PSMD11: variants seen among roughly 807,000 people sequenced by gnomAD.
PSMD11 encodes 26S proteasome non-ATPase regulatory subunit 11.
PSMD11 carries 5 observed loss-of-function variants against 62.3 expected under a neutral mutation model. That is an observed-to-expected ratio of 0.08 (90% CI 0.04 to 0.17). The LOEUF (loss-of-function observed/expected upper bound fraction) is 0.17, where lower values mean the gene tolerates loss of function less well. Among genes scored for constraint, PSMD11 ranks in the 10% least tolerant of loss-of-function variants. The probability of loss-of-function intolerance (pLI) is 1.00; values close to 1 mark genes in which losing one functional copy is unlikely to be tolerated. For missense variants in PSMD11, 310 were observed against 512.9 expected (o/e 0.60, Z 3.82); for synonymous variants, 191 against 191.8 (o/e 1.00, Z 0.03).
At chr17:32,446,328 A>G (rs1265852812) in intron 1 of PSMD11, among the ~76,000 whole-genome samples, 1 of 152,218 alleles carries the variant, frequency 6.6e-6, no homozygotes, top group Non-Finnish European at 1.5e-5. Context: ...AAGTTATTTT[A>G]ACAGACCTCA....
Position 32,477,510 on chromosome 17 carries a change from T to C in PSMD11, c.850-11T>C. 1 of 1,599,262 alleles carries C rather than the reference T, an allele frequency of 6.3e-7. No homozygotes were observed. The highest frequency in any genetic ancestry group is 8.5e-7 in the Non-Finnish European group (1 of 1,172,692). On this transcript the variant is annotated splice_polypyrimidine_tract_variant and intron_variant, in intron 8 of 13. Coordinates refer to ENST00000261712, the MANE Select transcript of PSMD11 (RefSeq NM_002815.4). ...ATAAATCGCTTTCATGGTTTGTCTC[T>C]TTATTCTCAGACAGAAGCATTAAAA...
At chr17:32,463,435 G>A (rs1167065889) in intron 3 of PSMD11, 1 of 152,156 alleles carries the variant, frequency 6.6e-6, no homozygotes, top group African/African-American at 2.4e-5. Flanking sequence ...AGCTCAATCT[G>A]TAACTGACTG....
Position 32,480,962 on chromosome 17 carries a change from TA to T in PSMD11, c.*219del, listed in dbSNP as rs889158553. ...CCAACTTGGGAGTGGGGAAATTGCT[TA>T]AAAAAAAAGAAAAAGAAAAAAAAAA... On this transcript the variant is annotated 3_prime_UTR_variant, in exon 14 of 14. Transcript: ENST00000261712. The T allele has an allele frequency of 1.9e-4, 37 of 198,804 alleles. No homozygotes were observed. Among genetic ancestry groups the T allele is most frequent in the Non-Finnish European group, 2.5e-4 (25 of 101,522 alleles). The allele number at this position is 198,804 out of a possible 1,614,324, so 12.3% of individuals were successfully genotyped here.
intron 11 of PSMD11, 73 bp from the exon 12 acceptor site, chr17:32,480,073 A>T (rs756464372): frequency 1.3e-6 from 2 of 1,560,382 alleles, no homozygotes; most frequent in Non-Finnish European, 1.8e-6. Flanking sequence ...AGACCCCTCC[A>T]ACAAAGCTAC....
Position 32,452,164 on chromosome 17 carries a change from T to A in PSMD11, c.194-2331T>A, listed in dbSNP as rs1481242463. 2.0e-5 allele frequency among the ~76,000 whole-genome samples: 3 copies of A among 152,184 alleles called. No individual in the cohort carries two copies. The East Asian group carries it at 5.8e-4, about 29-fold the overall frequency. On this transcript the variant is annotated intron_variant, in intron 2 of 13. Coordinates refer to ENST00000261712, the MANE Select transcript of PSMD11 (RefSeq NM_002815.4). The stretch of plus-strand genomic sequence containing the variant: ...CCACATTGTGTGTGACTGGCTGAGT[T>A]CAGGACCTGCTACTAAGACCATATA...
chr17:32,473,338 G>A lies in PSMD11; in HGVS notation c.644-463G>A, dbSNP rs575538403. Among the ~76,000 whole-genome samples the A allele has an allele frequency of 4.7e-5, 7 of 149,404 alleles. No homozygotes were observed. The South Asian group carries it at 1.4e-3, about 29-fold the overall frequency. On this transcript the variant is annotated intron_variant, in intron 6 of 13. Transcript: ENST00000261712. ...GTTGCCCAGGCTGGAGTGCAGTGGC[G>A]CAATCTCGGCTCACCGCAACCTCCG...
chr17:32,474,807 C>G lies in PSMD11; in HGVS notation c.832C>G (p.Arg278Gly). Residue 278 changes from arginine (R) to glycine (G), a missense_variant, in exon 8 of 14, where the codon CGG becomes GGG. Physicochemically the swap from Arg to Gly is moderately radical, Grantham distance 125. Transcript: ENST00000261712. ...TTTGGTGAGCGGGAAGCTTGCACTT[C>G]GGTATGCAGGGAGGCAGGTAGGGAC... ...QALVSGKLAL[R>G]YAGRQTEALK... is the part of the protein sequence containing the mutation. 2 of 1,614,012 alleles carry G rather than the reference C, an allele frequency of 1.2e-6. No individual in the cohort carries two copies. Among genetic ancestry groups the G allele is most frequent in the Non-Finnish European group, 1.7e-6 (2 of 1,179,956 alleles).
chr17:32,471,062 C>T (rs1908149801), intron 6 of PSMD11, among the ~76,000 whole-genome samples: 1 of 152,142 alleles, frequency 6.6e-6, no homozygotes, highest in Non-Finnish European at 1.5e-5. Flanking sequence ...TAAATACTTT[C>T]TACATGTATC....
chr17:32,468,536 G>C (rs1908062689), intron 5 of PSMD11, among the ~76,000 whole-genome samples: 1 of 152,164 alleles, frequency 6.6e-6, no homozygotes, highest in African/African-American at 2.4e-5. Context: ...TGATATTCTA[G>C]TTTGAGATGG....
chr17:32,480,619 G>A lies in PSMD11; in HGVS notation c.1257G>A (p.Lys419=), dbSNP rs770893504. ...KVVDSLYNKA[K]KLT is the part of the protein sequence containing the mutation. ...TGGATTCCCTCTACAACAAAGCCAA[G>A]AAACTGACATAGGTGAGTGCTGGCT... Residue 419 remains lysine, a synonymous_variant, in exon 13 of 14, where the codon AAG becomes AAA. Transcript: ENST00000261712. The A allele has an allele frequency of 2.1e-5, 34 of 1,614,066 alleles. No homozygotes were observed. The highest frequency in any genetic ancestry group is 3.4e-6 in the Non-Finnish European group (4 of 1,180,036).
At chr17:32,467,665 A>G (rs1409554041) in intron 5 of PSMD11, among the ~76,000 whole-genome samples, 1 of 152,150 alleles carries the variant, frequency 6.6e-6, no homozygotes, top group Non-Finnish European at 1.5e-5. Flanking sequence ...TGGATGGAGT[A>G]CAGTGGTGCA....
intron 5 of PSMD11, among the ~76,000 whole-genome samples, chr17:32,468,653 C>T (rs1908067766): frequency 6.6e-6 from 1 of 152,134 alleles, no homozygotes; most frequent in Admixed American, 6.6e-5. Context: ...CTTGTGATTG[C>T]TAGACAAGAA....
intron 1 of PSMD11, chr17:32,444,841 TCA>T (rs1567850014): frequency 1.8e-6 from 1 of 571,320 alleles, no homozygotes; most frequent in Non-Finnish European, 3.0e-6. Context: ...GGCTGCTGAC[TCA>T]CGGGGGGCTC....
intron 2 of PSMD11, among the ~76,000 whole-genome samples, chr17:32,448,004 C>T (rs1232603540): frequency 1.3e-5 from 2 of 151,782 alleles, no homozygotes; most frequent in East Asian, 1.9e-4. Context: ...CCTCAGCCTC[C>T]GGAATAGCTG....
chr17:32,444,699 G>T, intron 1 of PSMD11, 85 bp downstream of exon 1: 1 of 1,539,664 alleles, frequency 6.5e-7, no homozygotes, highest in Non-Finnish European at 8.9e-7. Flanking sequence ...GGCCCGGCTA[G>T]CCGGCTCTGA....
rs1342246062 is a variant in PSMD11 at position 32,481,056 on chromosome 17, G to C, written c.*304G>C. 1 of 154,858 alleles carries C rather than the reference G, an allele frequency of 6.5e-6. No individual in the cohort carries two copies. Among genetic ancestry groups the C allele is most frequent in the African/African-American group, 2.4e-5 (1 of 41,448 alleles). 9.6% of individuals were successfully genotyped at this position (154,858 alleles called of 1,614,324 possible). On this transcript the variant is annotated 3_prime_UTR_variant, in exon 14 of 14. Coordinates refer to ENST00000261712, the MANE Select transcript of PSMD11 (RefSeq NM_002815.4). ...GCTGTGCTCTCTGCCTCCTGGGAGA[G>C]GGCCGCAAAGCCAGGCACCCCGCCA...
At chr17:32,465,354 C>T (rs934497549) in intron 5 of PSMD11, among the ~76,000 whole-genome samples, 1 of 152,096 alleles carries the variant, frequency 6.6e-6, no homozygotes, top group Admixed American at 6.5e-5. Flanking sequence ...CTCAAGTGAT[C>T]TGCCTGCCTT....
chr17:32,475,468 G>C (rs975860363), intron 8 of PSMD11, among the ~76,000 whole-genome samples: 1 of 151,980 alleles, frequency 6.6e-6, no homozygotes, highest in Non-Finnish European at 1.5e-5. Flanking sequence ...AGTAAAGTAA[G>C]TGTAATCTTT....
chr17:32,464,149 G>T (rs1288184945), intron 4 of PSMD11, 29 bp downstream of exon 4: 4 of 1,579,758 alleles, frequency 2.5e-6, no homozygotes, highest in Non-Finnish European at 3.5e-6. Flanking sequence ...CTCATTTCAG[G>T]TCTCTAAGCA....
Sources: allele counts gnomAD v4.1 joint callset (sites outside exome capture counted in the v4.1 genomes callset), GRCh38; gene constraint gnomAD v4.1.1; transcripts MANE v1.5; gene names NCBI Gene and HGNC (gene_info 2026-07-23, HGNC 2026-07-21).